The following ANK3 variants were observed in gnomAD, a reference collection of about 807,000 sequenced individuals.
ANK3 encodes the protein ankyrin 3, also known as ankyrin-3.
Under a neutral mutation model 370.9 loss-of-function variants are expected in ANK3, and 57 were observed. That is an observed-to-expected ratio of 0.15 (90% CI 0.12 to 0.19). The LOEUF (loss-of-function observed/expected upper bound fraction) is 0.19. Among genes scored for constraint, ANK3 ranks in the 10% least tolerant of loss-of-function variants. The probability of loss-of-function intolerance (pLI) is 1.00; values close to 1 mark genes in which losing one functional copy is unlikely to be tolerated. For synonymous variants in ANK3, 1,929 were observed against 1,946.3 expected (o/e 0.99, Z 0.23); for missense variants, 4,439 against 5,302.1 (o/e 0.84, Z 5.06).
intron 16 of ANK3, among the ~76,000 whole-genome samples, chr10:60,195,683 T>A (rs2096575800): frequency 6.6e-6 from 1 of 152,098 alleles, no homozygotes; most frequent in African/African-American, 2.4e-5. Context: ...TGTCTACTGA[T>A]CAAAAAGGCC....
At chr10:60,173,029 T>G in intron 19 of ANK3, 31 bp from the exon 20 acceptor site, 2 of 1,609,094 alleles carry the variant, frequency 1.2e-6, no homozygotes, top group Non-Finnish European at 1.7e-6. Flanking sequence ...AGATGATTCT[T>G]AATTCCTTTG....
chr10:60,071,907 G>A lies in ANK3; in HGVS notation c.8974C>T (p.Gln2992Ter). 1 of 1,614,008 alleles carries A rather than the reference G, an allele frequency of 6.2e-7. No individual in the cohort carries two copies. The highest frequency in any genetic ancestry group is 8.5e-7 in the Non-Finnish European group (1 of 1,179,966). The change falls in exon 37 of 44, where the codon CAA becomes TAA. Residue 2992 changes from glutamine (Q) to a stop codon, truncating the protein, a stop_gained. Transcript: ENST00000280772. LOFTEE classifies it high-confidence loss of function. ...QSAFPKHELS[Q>*]KLSQSSMSKE... is the part of the protein sequence containing the mutation. Reference sequence around the variant, plus strand: ...CTCATGCTTGACTGGGACAATTTTTGTGATAGTTCATGTTTTGGAAATGCC... The same window carrying A: ...CTCATGCTTGACTGGGACAATTTTTATGATAGTTCATGTTTTGGAAATGCC...
At chr10:60,226,719 A>G (rs1289802893) in intron 8 of ANK3, among the ~76,000 whole-genome samples, 1 of 142,118 alleles carries the variant, frequency 7.0e-6, no homozygotes, top group Non-Finnish European at 1.5e-5. Flanking sequence ...TATAATACAT[A>G]GTATTCATTA....
At chr10:60,519,393 T>A (rs1265864373) in intron 2 of ANK3, among the ~76,000 whole-genome samples, 1 of 152,134 alleles carries the variant, frequency 6.6e-6, no homozygotes, top group Non-Finnish European at 1.5e-5. Context: ...TATAGCCCAA[T>A]GCTGGTGGAA....
intron 2 of ANK3, among the ~76,000 whole-genome samples, chr10:60,466,464 A>G (rs1209205936): frequency 6.6e-6 from 1 of 152,196 alleles, no homozygotes; most frequent in East Asian, 1.9e-4. Context: ...AAGAAGCCTC[A>G]TACACTGCTG....
Position 60,046,808 on chromosome 10 carries a change from A to AAT in ANK3, c.13066-4050_13066-4049insAT, listed in dbSNP as rs2077041833. 7.2e-5 allele frequency among the ~76,000 whole-genome samples: 10 copies of AAT among 138,694 alleles called. 1 individual carries two copies. In the South Asian group the frequency reaches 2.3e-3, roughly 32 times the overall value. The allele number at this position is 138,694 out of a possible 152,430, so 91.0% of individuals were successfully genotyped here. A position where few individuals can be genotyped will look rare whatever the true frequency, so the allele number is the denominator to read the frequency against. ...TCTTCAATGGGAGAAAGTAATCTCA[A>AAT]TTTTTTTTTTTTTTTTGAGATGGAG... On this transcript the variant is annotated intron_variant, in intron 42 of 43. Coordinates refer to ENST00000280772, the MANE Select transcript of ANK3 (RefSeq NM_020987.5).
chr10:60,051,471 A>G, intron 42 of ANK3: 3 of 984,720 alleles, frequency 3.0e-6, no homozygotes, highest in Non-Finnish European at 3.6e-6. Flanking sequence ...CAGCTACAGG[A>G]TACCTTTATA....
chr10:60,334,654 T>C (rs953925863), intron 1 of ANK3, among the ~76,000 whole-genome samples: 2 of 152,178 alleles, frequency 1.3e-5, no homozygotes, highest in Admixed American at 1.3e-4. Flanking sequence ...AGATGATGGA[T>C]TTCTGAAGTC....
intron 1 of ANK3, among the ~76,000 whole-genome samples, chr10:60,656,768 T>G (rs1013316425): frequency 6.6e-6 from 1 of 152,138 alleles, no homozygotes; most frequent in Non-Finnish European, 1.5e-5. Context: ...TTTCTTTTTT[T>G]TTTCTTTGAA....
intron 28 of ANK3, among the ~76,000 whole-genome samples, chr10:60,090,932 C>G (rs2088176552): frequency 6.6e-6 from 1 of 151,806 alleles, no homozygotes; most frequent in African/African-American, 2.4e-5. Flanking sequence ...TTTTTTGAGA[C>G]AGATCTCGCC....
At chr10:60,198,777 C>T (rs1407992814) in intron 13 of ANK3, among the ~76,000 whole-genome samples, 2 of 152,124 alleles carry the variant, frequency 1.3e-5, no homozygotes, top group Non-Finnish European at 2.9e-5. Context: ...ATGCAGTTGT[C>T]TATAAATTAC....
intron 2 of ANK3, among the ~76,000 whole-genome samples, chr10:60,493,764 A>G (rs780189493): frequency 1.3e-4 from 20 of 152,106 alleles, no homozygotes; most frequent in Admixed American, 2.6e-4. Context: ...TGTAAGAACT[A>G]TCATTACACA....
chr10:60,543,010 T>G (rs2076884084), intron 2 of ANK3, among the ~76,000 whole-genome samples: 1 of 152,028 alleles, frequency 6.6e-6, no homozygotes, highest in Non-Finnish European at 1.5e-5. Context: ...AAGTAATCTT[T>G]CTAGTAAAAT....
intron 2 of ANK3, among the ~76,000 whole-genome samples, chr10:60,515,424 C>T (rs987923144): frequency 1.3e-5 from 2 of 152,062 alleles, no homozygotes; most frequent in African/African-American, 4.8e-5. Flanking sequence ...GAAAGAGGAT[C>T]TTCATGATTA....
intron 1 of ANK3, among the ~76,000 whole-genome samples, chr10:60,703,273 G>A (rs10994477): frequency 0.15 from 22,403 of 152,202 alleles, 2,082 homozygotes; most frequent in South Asian, 0.26. Context: ...TTTAGGTATT[G>A]TAAGGTTAGG....
In ANK3 at chr10:60,120,766, T is replaced by C. The variant is rs151202208; in HGVS notation, c.2842-6435A>G. On this transcript the variant is annotated intron_variant, in intron 25 of 43. Transcript: ENST00000280772. Reference sequence around the variant, plus strand: ...AGAGAAATTTAAATCCAAACCAGAATGAGATATCATCTCACCTTAGTTAAA... The same window carrying C: ...AGAGAAATTTAAATCCAAACCAGAACGAGATATCATCTCACCTTAGTTAAA... Among the ~76,000 whole-genome samples the C allele has an allele frequency of 2.0e-3, 302 of 152,296 alleles. 2 individuals carry two copies. Among genetic ancestry groups the C allele is most frequent in the Middle Eastern group, 0.017 (5 of 294 alleles).
At chr10:60,301,326 G>A (rs2043730745) in intron 1 of ANK3, among the ~76,000 whole-genome samples, 2 of 142,690 alleles carry the variant, frequency 1.4e-5, no homozygotes, top group African/African-American at 5.1e-5. Context: ...ACACACACGT[G>A]TGTATATATA....
At chr10:60,051,044 G>C (rs2077880363) in intron 42 of ANK3, among the ~76,000 whole-genome samples, 1 of 152,004 alleles carries the variant, frequency 6.6e-6, no homozygotes, top group South Asian at 2.1e-4. Context: ...GTAGGAATTT[G>C]AGACTGAGAA....
intron 1 of ANK3, among the ~76,000 whole-genome samples, chr10:60,301,264 GCA>G (rs2043687912): frequency 1.4e-5 from 2 of 142,866 alleles, no homozygotes; most frequent in African/African-American, 5.2e-5. Context: ...ACACATGCAC[GCA>G]CACATATACA....
Sources: allele counts gnomAD v4.1 joint callset (sites outside exome capture counted in the v4.1 genomes callset), GRCh38; gene constraint gnomAD v4.1.1; transcripts MANE v1.5; gene names NCBI Gene and HGNC (gene_info 2026-07-23, HGNC 2026-07-21).